The following FNIP2 variants were observed in gnomAD, a reference collection of about 807,000 sequenced individuals.
FNIP2 encodes the protein folliculin interacting protein 2, also known as folliculin-interacting protein 2.
FNIP2 carries 32 observed loss-of-function variants against 108.7 expected under a neutral mutation model. The ratio of observed to expected loss-of-function variants is 0.29; its 90% confidence interval spans 0.22 to 0.40. The LOEUF (loss-of-function observed/expected upper bound fraction) is 0.40. Among genes scored for constraint, FNIP2 ranks in the 10% least tolerant of loss-of-function variants. The probability of loss-of-function intolerance (pLI) is 1.00; values close to 1 mark genes in which losing one functional copy is unlikely to be tolerated. For missense variants in FNIP2, 1,202 were observed against 1,381.6 expected (o/e 0.87, Z 2.06); for synonymous variants, 480 against 496.7 (o/e 0.97, Z 0.45).
rs1780169186 is a variant in FNIP2, at chr4:158,859,584, A to G, written c.1066A>G (p.Ile356Val). 6.2e-7 allele frequency: 1 copy of G among 1,612,710 alleles called. No homozygotes were observed. The highest frequency in any genetic ancestry group is 1.1e-5 in the South Asian group (1 of 90,774). ...TGCTTTCTCTTCAATAAAGGCTATG[A>G]TCTCCTGTAGGAAAATAGCAGAATC... ...RLKSAIEKAM[I>V]SCRKIAESSL... Residue 356 changes from isoleucine to valine, a missense_variant, in exon 10 of 17, where the codon ATC becomes GTC. Physicochemically the swap from Ile to Val is conservative, Grantham distance 29 (BLOSUM62 3). Around this residue, in one of 5 missense-constraint regions of FNIP2, gnomAD observed 878 missense variants for 990.3 expected, o/e 0.89. Transcript: ENST00000264433.
chr4:158,873,415 G>T (rs1754584452), intron 14 of FNIP2, among the ~76,000 whole-genome samples: 1 of 151,946 alleles, frequency 6.6e-6, no homozygotes. Flanking sequence ...GGATCTTCCT[G>T]TATTGCCCAG....
intron 7 of FNIP2, among the ~76,000 whole-genome samples, chr4:158,844,985 A>G (rs886802013): frequency 6.6e-6 from 1 of 152,238 alleles, no homozygotes; most frequent in African/African-American, 2.4e-5. Context: ...GGTTGGGACA[A>G]AAGCACAGTT....
intron 1 of FNIP2, among the ~76,000 whole-genome samples, chr4:158,777,903 C>T (rs1428905324): frequency 6.6e-6 from 1 of 152,182 alleles, no homozygotes; most frequent in Non-Finnish European, 1.5e-5. Flanking sequence ...ACCCCAATCC[C>T]CCTTCCCAAA....
intron 1 of FNIP2, among the ~76,000 whole-genome samples, chr4:158,775,477 T>C (rs1436571592): frequency 6.6e-6 from 1 of 152,186 alleles, no homozygotes; most frequent in African/African-American, 2.4e-5. Flanking sequence ...GTAACAGTGA[T>C]TTCCCTCAAC....
At chr4:158,807,500 C>T (rs1323858859) in intron 1 of FNIP2, among the ~76,000 whole-genome samples, 38 of 152,134 alleles carry the variant, frequency 2.5e-4, no homozygotes, top group Non-Finnish European at 7.4e-5. Context: ...AAGACTCTGT[C>T]GCTTTAAAAA....
chr4:158,790,346 C>T (rs1033518053), intron 1 of FNIP2, among the ~76,000 whole-genome samples: 2 of 151,698 alleles, frequency 1.3e-5, no homozygotes, highest in Admixed American at 1.3e-4. Flanking sequence ...TAAATCCTGG[C>T]CATTCTATAA....
At chr4:158,833,881 T>C in intron 6 of FNIP2, 1 of 1,431,190 alleles carries the variant, frequency 7.0e-7, no homozygotes, top group East Asian at 3.0e-5. Flanking sequence ...GAGTGCTTCT[T>C]TCTTTGCAGG....
At chr4:158,772,803 C>T (rs1348334837) in intron 1 of FNIP2, among the ~76,000 whole-genome samples, 1 of 152,182 alleles carries the variant, frequency 6.6e-6, no homozygotes, top group East Asian at 1.9e-4. Flanking sequence ...GTCTCACCTA[C>T]TGGAGTTTAC....
In FNIP2 at chr4:158,833,607, TGTC is replaced by T; in HGVS notation, c.637_639del (p.Arg213del). On this transcript the variant is annotated inframe_deletion, in exon 6 of 17. Coordinates refer to ENST00000264433, the MANE Select transcript of FNIP2 (RefSeq NM_020840.3). ...CACAAATCAAAATAGTTTGGGTCCT[TGTC>T]GTACTGGAAGTAACCTAGGTAAAAT... 1.2e-6 allele frequency: 2 copies of T among 1,613,314 alleles called. No homozygotes were observed. Among genetic ancestry groups the T allele is most frequent in the Non-Finnish European group, 1.7e-6 (2 of 1,179,426 alleles).
intron 8 of FNIP2, among the ~76,000 whole-genome samples, chr4:158,855,008 T>A (rs116592276): frequency 1.7e-3 from 254 of 152,346 alleles, no homozygotes; most frequent in African/African-American, 5.7e-3. Flanking sequence ...CTCATGTTTT[T>A]TTGATTTACC....
At position 158,838,229 on chromosome 4, in the gene FNIP2, C is replaced by CTT. The variant is rs550985480; in HGVS notation, c.727+2771_727+2772dup. On this transcript the variant is annotated intron_variant, in intron 7 of 16. Transcript: ENST00000264433. ...TATTATTTATTCTCTTTTAGGCCTG[C>CTT]TTTTTTTTTTTTTTTTTTTCTGGCT... Among the ~76,000 whole-genome samples the CTT allele has an allele frequency of 7.8e-3, 913 of 117,582 alleles. 26 individuals are homozygous for CTT. Among genetic ancestry groups the CTT allele is most frequent in the African/African-American group, 0.016 (518 of 31,430 alleles). 77.1% of individuals were successfully genotyped at this position (117,582 alleles called of 152,430 possible). A position where few individuals can be genotyped will look rare whatever the true frequency, so the allele number is the denominator to read the frequency against.
intron 2 of FNIP2, 51 bp from the exon 3 acceptor site, chr4:158,829,028 G>A (rs1388632106): frequency 6.3e-6 from 9 of 1,418,848 alleles, no homozygotes; most frequent in East Asian, 2.7e-5. Context: ...AACTGTTGAC[G>A]AACCTGATAT....
chr4:158,904,649 C>A lies in FNIP2; in HGVS notation c.*105C>A. Reference sequence around the variant, plus strand: ...ATGTCAAAAGCATGAGAAGAGCAAACAGAAACAGTCATTCCACCTTTTTGT... The same window carrying A: ...ATGTCAAAAGCATGAGAAGAGCAAAAAGAAACAGTCATTCCACCTTTTTGT... On this transcript the variant is annotated 3_prime_UTR_variant, in exon 17 of 17. Transcript: ENST00000264433. 1 of 959,972 alleles carries A rather than the reference C, an allele frequency of 1.0e-6. No homozygotes were observed. The highest frequency in any genetic ancestry group is 1.6e-6 in the Non-Finnish European group (1 of 622,254). The allele number at this position is 959,972 out of a possible 1,614,324, so 59.5% of individuals were successfully genotyped here.
intron 1 of FNIP2, among the ~76,000 whole-genome samples, chr4:158,790,243 G>A (rs1216954774): frequency 1.3e-5 from 2 of 150,716 alleles, no homozygotes; most frequent in East Asian, 2.0e-4. Context: ...CTGATCCCTC[G>A]AGGGATTTGG....
intron 16 of FNIP2, among the ~76,000 whole-genome samples, chr4:158,901,397 CCTCT>C (rs992668519): frequency 5.3e-5 from 8 of 152,048 alleles, no homozygotes; most frequent in Non-Finnish European, 1.5e-5. Flanking sequence ...GGTAACCTGA[CCTCT>C]CTCTGGCTGC....
intron 7 of FNIP2, among the ~76,000 whole-genome samples, chr4:158,849,180 A>T (rs1779566342): frequency 6.6e-6 from 1 of 152,234 alleles, no homozygotes; most frequent in African/African-American, 2.4e-5. Context: ...AGGGAATGTT[A>T]AAGTAATATT....
intron 14 of FNIP2, among the ~76,000 whole-genome samples, chr4:158,875,131 G>A (rs575667853): frequency 4.0e-5 from 6 of 151,748 alleles, no homozygotes; most frequent in Admixed American, 6.6e-5. Flanking sequence ...AGCTATATGC[G>A]TATGTACTTA....
intron 1 of FNIP2, 111 bp from the exon 2 acceptor site, chr4:158,825,805 C>G (rs574921318): frequency 9.1e-6 from 12 of 1,318,150 alleles, no homozygotes; most frequent in Non-Finnish European, 1.3e-5. Flanking sequence ...GCCCTGCATG[C>G]TTGTGGCCTT....
chr4:158,894,693 A>G (rs909662641), intron 15 of FNIP2, among the ~76,000 whole-genome samples: 1 of 152,204 alleles, frequency 6.6e-6, no homozygotes, highest in Admixed American at 6.5e-5. Flanking sequence ...GAAAGCTAAT[A>G]AAGATCCTTT....
Sources: allele counts gnomAD v4.1 joint callset (sites outside exome capture counted in the v4.1 genomes callset), GRCh38; gene constraint gnomAD v4.1.1; regional missense constraint gnomAD v4.1.1; transcripts MANE v1.5; gene names NCBI Gene and HGNC (gene_info 2026-07-23, HGNC 2026-07-21).